The following PRKG1 variants were observed in gnomAD, a reference collection of about 807,000 sequenced individuals.
The protein encoded by PRKG1 is cGMP-dependent protein kinase 1.
PRKG1 carries 35 observed loss-of-function variants against 88.1 expected under a neutral mutation model. That is an observed-to-expected ratio of 0.40 (90% CI 0.30 to 0.53). PRKG1 has a LOEUF of 0.53. PRKG1 is among the 20% of genes least tolerant of loss of function. The pLI is 0.59. For synonymous variants in PRKG1, 303 were observed against 292.5 expected (o/e 1.04, Z -0.37); for missense variants, 540 against 839.8 (o/e 0.64, Z 4.41).
chr10:51,650,420 A>G (rs927112754), intron 3 of PRKG1, among the ~76,000 whole-genome samples: 1 of 152,152 alleles, frequency 6.6e-6, no homozygotes, highest in Non-Finnish European at 1.5e-5. Flanking sequence ...TTTTCATGTG[A>G]GTTAGAGAAA....
chr10:51,957,240 C>G (rs1301098594), intron 5 of PRKG1, among the ~76,000 whole-genome samples: 1 of 130,606 alleles, frequency 7.7e-6, no homozygotes, highest in African/African-American at 2.8e-5. Flanking sequence ...TTCTCTACTT[C>G]TCTCTTTTCT....
At chr10:51,507,775 G>C (rs1841268136) in intron 3 of PRKG1, among the ~76,000 whole-genome samples, 1 of 152,068 alleles carries the variant, frequency 6.6e-6, no homozygotes, top group East Asian at 1.9e-4. Context: ...TTTGGAAAAG[G>C]AAGGCTAGAG....
intron 1 of PRKG1, among the ~76,000 whole-genome samples, chr10:51,143,588 C>T (rs955102307): frequency 4.6e-5 from 7 of 151,940 alleles, no homozygotes; most frequent in Middle Eastern, 3.2e-3. Flanking sequence ...ATATTCTCAC[C>T]AACAGTGTGT....
intron 7 of PRKG1, among the ~76,000 whole-genome samples, chr10:52,081,346 A>G (rs896276805): frequency 1.3e-5 from 2 of 152,144 alleles, no homozygotes; most frequent in African/African-American, 4.8e-5. Flanking sequence ...TTGAAATCAT[A>G]ATAGTTGCTT....
At chr10:51,110,385 T>C (rs1180718150) in intron 1 of PRKG1, among the ~76,000 whole-genome samples, 1 of 152,158 alleles carries the variant, frequency 6.6e-6, no homozygotes, top group African/African-American at 2.4e-5. Context: ...AATAAGCTGC[T>C]GATGCACACT....
intron 2 of PRKG1, among the ~76,000 whole-genome samples, chr10:51,159,092 C>T (rs555399070): frequency 9.2e-5 from 14 of 152,230 alleles, no homozygotes; most frequent in African/African-American, 3.4e-4. Context: ...CCACCGTCGA[C>T]AGTAAACTTA....
chr10:51,324,528 C>T (rs1237345201), intron 2 of PRKG1, among the ~76,000 whole-genome samples: 3 of 149,862 alleles, frequency 2.0e-5, no homozygotes, highest in Admixed American at 6.7e-5. Flanking sequence ...GAGATCAAGA[C>T]CATCCTGTCT....
intron 3 of PRKG1, among the ~76,000 whole-genome samples, chr10:51,639,187 C>A (rs1210666334): frequency 6.6e-6 from 1 of 151,792 alleles, no homozygotes; most frequent in Non-Finnish European, 1.5e-5. Context: ...GTAATCTCAG[C>A]ACTTTGTGAG....
At chr10:51,332,338 A>T (rs1369571676) in intron 2 of PRKG1, among the ~76,000 whole-genome samples, 1 of 152,186 alleles carries the variant, frequency 6.6e-6, no homozygotes, top group Non-Finnish European at 1.5e-5. Flanking sequence ...AAAATGGGCC[A>T]TGCTATTCCT....
intron 3 of PRKG1, among the ~76,000 whole-genome samples, chr10:51,515,832 C>T (rs529999357): frequency 4.6e-4 from 70 of 152,240 alleles, no homozygotes; most frequent in African/African-American, 1.5e-3. Context: ...GGGCAGGAAC[C>T]GGCCGACCAC....
At chr10:51,138,670 GTTTTGTTT>G (rs1373107722) in intron 1 of PRKG1, among the ~76,000 whole-genome samples, 1 of 67,044 alleles carries the variant, frequency 1.5e-5, no homozygotes, top group Non-Finnish European at 3.3e-5. Flanking sequence ...TGGACATTGA[GTTTTGTTT>G]TTTTTTTTTT....
chr10:51,737,966 G>C (rs1837333715), intron 3 of PRKG1, among the ~76,000 whole-genome samples: 1 of 151,640 alleles, frequency 6.6e-6, no homozygotes. Flanking sequence ...TTTTAGTAGA[G>C]ACAGGGTTTT....
intron 3 of PRKG1, among the ~76,000 whole-genome samples, chr10:51,707,470 C>T (rs1258218921): frequency 2.6e-5 from 4 of 152,194 alleles, no homozygotes; most frequent in East Asian, 1.9e-4. Flanking sequence ...CTCCCTTATT[C>T]GTGCTTCAGG....
Position 52,167,130 on chromosome 10 carries a change from G to T in PRKG1, c.1076+5167G>T, listed in dbSNP as rs367985472. Among the ~76,000 whole-genome samples, 13 of 152,102 alleles carry T rather than the reference G, an allele frequency of 8.5e-5. No homozygotes were observed. The East Asian group carries it at 1.7e-3, about 20-fold the overall frequency. ...TTTATGAAGAGGTTTATTTGGCATG[G>T]TTCTACAGGCTGTACAGGAAGCATA... On this transcript the variant is annotated intron_variant, in intron 9 of 17. Coordinates refer to ENST00000373980, the MANE Select transcript of PRKG1 (RefSeq NM_006258.4).
In PRKG1 at chr10:52,088,917, A is replaced by G. The variant is rs186074538; in HGVS notation, c.935+26286A>G. 5.1e-3 allele frequency among the ~76,000 whole-genome samples: 774 copies of G among 152,324 alleles called. 5 individuals are homozygous for G. The highest frequency in any genetic ancestry group is 0.01 in the Middle Eastern group (3 of 294). ...AATCAATAATGATGCATTACCATTC[A>G]ATCCATAGATCATATTACATAAACA... On this transcript the variant is annotated intron_variant, in intron 7 of 17. Transcript: ENST00000373980.
At chr10:51,813,912 C>A (rs1839519935) in intron 4 of PRKG1, among the ~76,000 whole-genome samples, 1 of 152,160 alleles carries the variant, frequency 6.6e-6, no homozygotes. Context: ...AGCTTAAGAG[C>A]TATCACTTTA....
chr10:52,027,381 T>C (rs1038300724), intron 5 of PRKG1, among the ~76,000 whole-genome samples: 2 of 152,164 alleles, frequency 1.3e-5, no homozygotes, highest in African/African-American at 4.8e-5. Context: ...GGATCTTATA[T>C]TGCAAAAGGC....
At chr10:51,374,093 A>AAAAAAATATATATATATATAT in intron 2 of PRKG1, among the ~76,000 whole-genome samples, 10 of 100,130 alleles carry the variant, frequency 1.0e-4, no homozygotes, top group African/African-American at 2.4e-4. Context: ...AAAAAAAAAA[A>AAAAAAATATATATATATATAT]ATATATATAT....
intron 2 of PRKG1, among the ~76,000 whole-genome samples, chr10:51,343,432 A>G (rs1449409478): frequency 6.6e-6 from 1 of 152,140 alleles, no homozygotes; most frequent in African/African-American, 2.4e-5. Context: ...TGCAGTTTTG[A>G]CTGCCCAATG....
Sources: allele counts gnomAD v4.1 joint callset (sites outside exome capture counted in the v4.1 genomes callset), GRCh38; gene constraint gnomAD v4.1.1; transcripts MANE v1.5; gene names NCBI Gene and HGNC (gene_info 2026-07-23, HGNC 2026-07-21).